The following IGDCC3 variants were observed in gnomAD, a reference collection of about 807,000 sequenced individuals.
The protein encoded by IGDCC3 is putative neuronal cell adhesion molecule.
A neutral mutation model predicts 72.0 loss-of-function variants in IGDCC3; 47 were observed. That is an observed-to-expected ratio of 0.65 (90% confidence interval 0.52 to 0.83). The LOEUF is 0.83. Ranked by LOEUF, IGDCC3 falls within the 40% of genes least tolerant of loss-of-function variation. The pLI is 0.00. For synonymous variants in IGDCC3, 477 were observed against 472.8 expected (o/e 1.01, Z -0.11); for missense variants, 1,038 against 1,091.3 (o/e 0.95, Z 0.69).
Position 65,353,224 on chromosome 15 carries a change from CCCCT to C in IGDCC3, c.410-17272_410-17269del, listed in dbSNP as rs199630225. On this transcript the variant is annotated intron_variant, in intron 2 of 13. Transcript: ENST00000327987. Reference sequence around the variant, plus strand: ...TTTTTCCTTCCTTCCTTCCTTCCTTCCCCTCCCTCCCTCCCTCCTTCCTTCCTTC... The same window carrying C: ...TTTTTCCTTCCTTCCTTCCTTCCTTCCCCTCCCTCCCTCCTTCCTTCCTTC... 3.7e-3 allele frequency among the ~76,000 whole-genome samples: 523 copies of C among 140,468 alleles called. 4 individuals are homozygous for C. The highest frequency in any genetic ancestry group is 0.012 in the African/African-American group (475 of 38,518). The allele number at this position is 140,468 out of a possible 152,430, so 92.2% of individuals were successfully genotyped here. A position where few individuals can be genotyped will look rare whatever the true frequency, so the allele number is the denominator to read the frequency against.
At chr15:65,366,054 A>G (rs2091286648) in intron 2 of IGDCC3, among the ~76,000 whole-genome samples, 1 of 152,090 alleles carries the variant, frequency 6.6e-6, no homozygotes. Flanking sequence ...CTAAAAATAC[A>G]AAAATTGGCT....
At position 65,339,099 on chromosome 15, in the gene IGDCC3, T is replaced by C. The variant is rs1184292477; in HGVS notation, c.410-3143A>G. Among the ~76,000 whole-genome samples the C allele has an allele frequency of 6.6e-6, 1 of 152,112 alleles. No individual in the cohort carries two copies. Among genetic ancestry groups the C allele is most frequent in the Non-Finnish European group, 1.5e-5 (1 of 68,022 alleles). ...TTAATTTCTTTTTTCTTTTTCTTTTTGAGACGGAATCTTGCTCTGTCACCC... is the reference window on the plus strand; with the variant it reads ...TTAATTTCTTTTTTCTTTTTCTTTTCGAGACGGAATCTTGCTCTGTCACCC... On this transcript the variant is annotated intron_variant, in intron 2 of 13. Coordinates refer to ENST00000327987, the MANE Select transcript of IGDCC3 (RefSeq NM_004884.4). This position sits in a 1 kb window ranked among gnomAD's most constrained non-coding sequence, Gnocchi z 4.1.
intron 2 of IGDCC3, among the ~76,000 whole-genome samples, chr15:65,361,693 C>T (rs993069452): frequency 8.6e-6 from 1 of 115,986 alleles, no homozygotes; most frequent in African/African-American, 3.9e-5. Context: ...GACACACGCA[C>T]ACTCGCACAC....
chr15:65,331,077 G>A lies in IGDCC3; in HGVS notation c.1534C>T (p.Pro512Ser), dbSNP rs773636257. Reference sequence around the variant, plus strand: ...TCACCCAGGGTGCTAGCTAGGGTGGGCACAGAGGCTGAGCTGGCCCCCCTT... The same window carrying A: ...TCACCCAGGGTGCTAGCTAGGGTGGACACAGAGGCTGAGCTGGCCCCCCTT... Reference protein sequence around the residue: ...TPRGASSASVPTLASTLGEAP... With the variant: ...TPRGASSASVSTLASTLGEAP... Residue 512 changes from proline to serine, a missense_variant, in exon 9 of 14, where the codon CCC (proline) becomes TCC (serine). Physicochemically the swap from Pro to Ser is moderately conservative, Grantham distance 74. Transcript: ENST00000327987. The A allele has an allele frequency of 4.3e-6, 7 of 1,613,972 alleles. No individual in the cohort carries two copies. In the East Asian group the frequency reaches 1.3e-4, roughly 31 times the overall value.
chr15:65,368,272 C>T (rs1185259640), intron 2 of IGDCC3, among the ~76,000 whole-genome samples: 2 of 148,854 alleles, frequency 1.3e-5, no homozygotes, highest in Non-Finnish European at 3.0e-5. Flanking sequence ...TGAAAAAGTC[C>T]TTTCTCCCTG....
At chr15:65,337,468 C>T (rs1307125066) in intron 2 of IGDCC3, among the ~76,000 whole-genome samples, 2 of 152,068 alleles carry the variant, frequency 1.3e-5, no homozygotes, top group Non-Finnish European at 2.9e-5. Context: ...CACATCCCCA[C>T]GTAGGTACAG....
chr15:65,357,213 A>ATTT (rs1214229313), intron 2 of IGDCC3, among the ~76,000 whole-genome samples: 1 of 152,034 alleles, frequency 6.6e-6, no homozygotes, highest in Non-Finnish European at 1.5e-5. Context: ...GGACTTCCTA[A>ATTT]TCTCTTCTGA....
intron 2 of IGDCC3, among the ~76,000 whole-genome samples, chr15:65,345,978 ATGAC>A (rs890039232): frequency 2.9e-4 from 44 of 152,164 alleles, no homozygotes; most frequent in African/African-American, 9.9e-4. Flanking sequence ...ACCCTTAAAC[ATGAC>A]TGATGGGGCC....
intron 2 of IGDCC3, 109 bp from the exon 3 acceptor site, chr15:65,336,065 AG>A (rs2091026855): frequency 2.6e-6 from 3 of 1,150,200 alleles, no homozygotes; most frequent in South Asian, 2.8e-5. Flanking sequence ...CACTCCATCC[AG>A]GGGCAGGAGT....
intron 2 of IGDCC3, among the ~76,000 whole-genome samples, chr15:65,358,563 T>G (rs1050677801): frequency 6.6e-6 from 1 of 152,222 alleles, no homozygotes; most frequent in Non-Finnish European, 1.5e-5. Context: ...GAATGGCCAA[T>G]CCTCAGATAA....
chr15:65,369,857 T>C (rs1339323362), intron 2 of IGDCC3, among the ~76,000 whole-genome samples: 2 of 152,054 alleles, frequency 1.3e-5, no homozygotes, highest in Non-Finnish European at 2.9e-5. Flanking sequence ...GCAGTTCTCC[T>C]AACCCCCACT....
chr15:65,343,435 G>C (rs2091099722), intron 2 of IGDCC3, among the ~76,000 whole-genome samples: 1 of 152,070 alleles, frequency 6.6e-6, no homozygotes, highest in South Asian at 2.1e-4. Flanking sequence ...GGGGCGAGCA[G>C]CAGGGTATAA....
At chr15:65,355,667 C>A in intron 2 of IGDCC3, 1 of 221,902 alleles carries the variant, frequency 4.5e-6, no homozygotes, top group Non-Finnish European at 9.6e-6. Context: ...CCCGCCCCCC[C>A]GCCCCTCCCG....
chr15:65,352,723 A>G (rs1306986807), intron 2 of IGDCC3, among the ~76,000 whole-genome samples: 1 of 152,236 alleles, frequency 6.6e-6, no homozygotes, highest in Non-Finnish European at 1.5e-5. Context: ...AAAAGATCCT[A>G]TGTGAAAAAT....
chr15:65,330,933 A>G, intron 9 of IGDCC3, 117 bp downstream of exon 9: 1 of 1,267,890 alleles, frequency 7.9e-7, no homozygotes, highest in South Asian at 1.4e-5. Flanking sequence ...CTCAGCCCTG[A>G]CAGCCTCAGG....
Position 65,372,941 on chromosome 15 carries a change from A to G in IGDCC3, c.409+2156T>C, listed in dbSNP as rs541847650. Among the ~76,000 whole-genome samples, 8 of 152,250 alleles carry G rather than the reference A, an allele frequency of 5.3e-5. No homozygotes were observed. The South Asian group carries it at 1.7e-3, about 32-fold the overall frequency. On this transcript the variant is annotated intron_variant, in intron 2 of 13. Coordinates refer to ENST00000327987, the MANE Select transcript of IGDCC3 (RefSeq NM_004884.4). The stretch of plus-strand genomic sequence containing the variant: ...ACAGCCTTGCAGGGGAGAGAGGGCC[A>G]TGTCAGACTGCCAGAGCTTGGAGGC...
intron 2 of IGDCC3, among the ~76,000 whole-genome samples, chr15:65,344,188 A>T (rs1170487737): frequency 6.6e-6 from 1 of 152,120 alleles, no homozygotes; most frequent in African/African-American, 2.4e-5. Context: ...GGGAGTGAGT[A>T]TGGGAAGATG....
intron 2 of IGDCC3, among the ~76,000 whole-genome samples, chr15:65,372,086 C>T (rs1188582496): frequency 1.3e-5 from 2 of 152,188 alleles, no homozygotes; most frequent in Non-Finnish European, 2.9e-5. Flanking sequence ...GATTAACCTC[C>T]ATGGGCAGCC....
intron 2 of IGDCC3, among the ~76,000 whole-genome samples, chr15:65,374,799 A>G (rs9920442): frequency 6.6e-6 from 1 of 152,146 alleles, no homozygotes; most frequent in Non-Finnish European, 1.5e-5. Context: ...CAAAGTATGA[A>G]AGGCATATGG....
Sources: gnomAD v4.1 joint callset for allele counts (sites outside exome capture counted in the v4.1 genomes callset) on GRCh38, gnomAD v4.1.1 for gene constraint, Gnocchi (gnomAD v3.1) non-coding constraint, MANE v1.5 for transcripts, NCBI Gene and HGNC (gene_info 2026-07-23, HGNC 2026-07-21) for gene names.